Variants in GULP1 observed in about 807,000 individuals in gnomAD.
GULP1 encodes GULP PTB domain containing engulfment adaptor 1.
GULP1 carries 19 observed loss-of-function variants against 40.9 expected under a neutral mutation model. That is an observed-to-expected ratio of 0.46 (90% CI 0.32 to 0.68). The LOEUF (loss-of-function observed/expected upper bound fraction) is 0.68, where lower values mean the gene tolerates loss of function less well. Ranked by LOEUF, GULP1 falls within the 30% of genes least tolerant of loss-of-function variation. GULP1 has a pLI of 0.03. For synonymous variants in GULP1, 119 were observed against 117.6 expected, an observed-to-expected ratio of 1.01 and a Z score of -0.08; for missense variants, 312 against 362.2, an observed-to-expected ratio of 0.86 and a Z score of 1.12.
intron 7 of GULP1, among the ~76,000 whole-genome samples, chr2:188,565,782 C>T (rs1381356542): frequency 6.6e-6 from 1 of 152,044 alleles, no homozygotes; most frequent in Non-Finnish European, 1.5e-5. Flanking sequence ...CCATGAATGT[C>T]CATCCATAGT....
chr2:188,402,268 C>T (rs1339384882), intron 2 of GULP1, among the ~76,000 whole-genome samples: 1 of 152,086 alleles, frequency 6.6e-6, no homozygotes, highest in East Asian at 1.9e-4. Context: ...TTGTTTTGTT[C>T]TTCACGTTTT....
chr2:188,463,474 A>G (rs1334963379), intron 2 of GULP1, among the ~76,000 whole-genome samples: 2 of 152,120 alleles, frequency 1.3e-5, no homozygotes, highest in African/African-American at 4.8e-5. Context: ...GAGTTTGATT[A>G]AATGCCTTAG....
intron 7 of GULP1, among the ~76,000 whole-genome samples, chr2:188,552,004 T>C (rs1342207569): frequency 1.3e-5 from 2 of 151,240 alleles, no homozygotes; most frequent in African/African-American, 4.8e-5. Context: ...TCTTTCCCAT[T>C]TTTTTTTAAA....
intron 4 of GULP1, among the ~76,000 whole-genome samples, chr2:188,519,969 G>A (rs774322946): frequency 3.9e-5 from 6 of 152,068 alleles, no homozygotes; most frequent in Non-Finnish European, 7.4e-5. Flanking sequence ...TGGCTAAAAC[G>A]CCCCTATGAT....
chr2:188,333,248 A>C (rs1421516931), intron 1 of GULP1, among the ~76,000 whole-genome samples: 2 of 152,036 alleles, frequency 1.3e-5, no homozygotes, highest in Non-Finnish European at 2.9e-5. Context: ...CTTGTCTAAA[A>C]AAAAAAAAAA....
intron 2 of GULP1, among the ~76,000 whole-genome samples, chr2:188,394,439 A>T (rs554444649): frequency 7.6e-4 from 114 of 150,932 alleles, no homozygotes; most frequent in Non-Finnish European, 1.2e-3. Context: ...TCCTGAATTT[A>T]AAAAAAAATT....
intron 9 of GULP1, among the ~76,000 whole-genome samples, chr2:188,577,022 T>C (rs1354904): frequency 0.79 from 120,263 of 152,042 alleles, 49,575 homozygotes; most frequent in South Asian, 0.97. Flanking sequence ...GCATAACAAG[T>C]TAAATCAAAA....
At chr2:188,557,662 A>G (rs1188521322) in intron 7 of GULP1, among the ~76,000 whole-genome samples, 1 of 152,120 alleles carries the variant, frequency 6.6e-6, no homozygotes, top group Non-Finnish European at 1.5e-5. Context: ...CAGTGGATCC[A>G]CCATTCTGGG....
intron 2 of GULP1, among the ~76,000 whole-genome samples, chr2:188,433,139 A>G (rs969720389): frequency 1.3e-5 from 2 of 152,140 alleles, no homozygotes; most frequent in Non-Finnish European, 2.9e-5. Flanking sequence ...CCATAACCAG[A>G]TGAAGTACTA....
intron 2 of GULP1, among the ~76,000 whole-genome samples, chr2:188,420,151 A>G (rs934476139): frequency 1.3e-5 from 2 of 151,708 alleles, no homozygotes; most frequent in African/African-American, 4.8e-5. Context: ...TTTTTTCTGG[A>G]TTGTTTTGGC....
chr2:188,303,622 G>C lies in GULP1; in HGVS notation c.-172+11456G>C, dbSNP rs1199286642. On this transcript the variant is annotated intron_variant, in intron 1 of 11. Transcript: ENST00000409830. ...ATGTATTAGAACTGGTATCAGTATG[G>C]GTGTTAAAAGCATGGAGATTGGGTT... Among the ~76,000 whole-genome samples, 4 of 152,256 alleles carry C rather than the reference G, an allele frequency of 2.6e-5. No individual in the cohort carries two copies. In the East Asian group the frequency reaches 7.7e-4, roughly 29 times the overall value.
intron 1 of GULP1, among the ~76,000 whole-genome samples, chr2:188,305,827 G>C (rs1014199579): frequency 1.3e-5 from 2 of 152,140 alleles, no homozygotes; most frequent in Non-Finnish European, 2.9e-5. Context: ...GCCCAGGCTG[G>C]AGTGGAGTGG....
At chr2:188,373,131 A>G (rs532862053) in intron 1 of GULP1, among the ~76,000 whole-genome samples, 2 of 152,026 alleles carry the variant, frequency 1.3e-5, no homozygotes, top group Non-Finnish European at 2.9e-5. Flanking sequence ...TTAAGTAGTC[A>G]TAGTTTACTG....
intron 7 of GULP1, among the ~76,000 whole-genome samples, chr2:188,560,948 A>G (rs942545101): frequency 2.0e-5 from 3 of 152,218 alleles, no homozygotes; most frequent in African/African-American, 4.8e-5. Flanking sequence ...CCATGATCCA[A>G]TCACCTCCCA....
At chr2:188,309,786 A>G (rs1038148443) in intron 1 of GULP1, among the ~76,000 whole-genome samples, 4 of 152,232 alleles carry the variant, frequency 2.6e-5, no homozygotes, top group Non-Finnish European at 5.9e-5. Flanking sequence ...TGCTAAGTGG[A>G]TGAAGGCTGC....
At chr2:188,423,247 A>T (rs1239681520) in intron 2 of GULP1, among the ~76,000 whole-genome samples, 6 of 152,104 alleles carry the variant, frequency 3.9e-5, no homozygotes, top group Admixed American at 3.9e-4. Flanking sequence ...TATTATAATC[A>T]TCTTATTTTA....
intron 1 of GULP1, among the ~76,000 whole-genome samples, chr2:188,382,009 T>G (rs1397914588): frequency 6.6e-6 from 1 of 152,200 alleles, no homozygotes; most frequent in Non-Finnish European, 1.5e-5. Context: ...TTATAAAATA[T>G]AAATATATGG....
intron 4 of GULP1, among the ~76,000 whole-genome samples, chr2:188,492,649 TA>T (rs35342268): frequency 3.3e-5 from 5 of 150,696 alleles, no homozygotes; most frequent in East Asian, 2.0e-4. Flanking sequence ...GAATTAACTT[TA>T]AAAAAAAAGA....
intron 2 of GULP1, among the ~76,000 whole-genome samples, chr2:188,412,360 G>A (rs969759752): frequency 2.6e-5 from 4 of 152,230 alleles, no homozygotes; most frequent in African/African-American, 9.6e-5. Flanking sequence ...TCATTGTGAA[G>A]TAATAGTGTG....
Sources: allele counts gnomAD v4.1 joint callset (sites outside exome capture counted in the v4.1 genomes callset), GRCh38; gene constraint gnomAD v4.1.1; transcripts MANE v1.5; gene names NCBI Gene and HGNC (gene_info 2026-07-23, HGNC 2026-07-21).